Variants in GABRB2 observed in about 807,000 individuals in gnomAD.
The protein encoded by GABRB2 is gamma-aminobutyric acid type A receptor subunit beta2, also known as gamma-aminobutyric acid receptor subunit beta-2.
GABRB2 carries 16 observed loss-of-function variants against 54.7 expected under a neutral mutation model. The observed-to-expected ratio is 0.29, with a 90% CI of 0.20 to 0.44. The LOEUF is 0.44. GABRB2 is among the 20% of genes least tolerant of loss of function. GABRB2 has a pLI of 1.00. For synonymous variants in GABRB2, 244 were observed against 233.8 expected, an observed-to-expected ratio of 1.04 and a Z score of -0.40; for missense variants, 355 against 644.0, an observed-to-expected ratio of 0.55 and a Z score of 4.86.
At chr5:161,449,803 A>G (rs922222056) in intron 4 of GABRB2, among the ~76,000 whole-genome samples, 2 of 151,962 alleles carry the variant, frequency 1.3e-5, no homozygotes, top group East Asian at 3.9e-4. Context: ...CACACACAAT[A>G]GCAACAATTT....
intron 5 of GABRB2, among the ~76,000 whole-genome samples, chr5:161,372,688 T>C (rs1755167606): frequency 6.6e-6 from 1 of 152,208 alleles, no homozygotes; most frequent in Non-Finnish European, 1.5e-5. Flanking sequence ...GCTTACTCTG[T>C]TCCAGACACT....
At chr5:161,484,343 A>G (rs921817428) in intron 3 of GABRB2, among the ~76,000 whole-genome samples, 1 of 151,844 alleles carries the variant, frequency 6.6e-6, no homozygotes, top group Non-Finnish European at 1.5e-5. Flanking sequence ...TCTTTCAGGA[A>G]CTCTTTCTTA....
At chr5:161,338,340 A>G (rs570438806) in intron 5 of GABRB2, among the ~76,000 whole-genome samples, 1 of 152,294 alleles carries the variant, frequency 6.6e-6, no homozygotes, top group South Asian at 2.1e-4. Flanking sequence ...ATGATTTTTA[A>G]AAGGCTTCTT....
intron 3 of GABRB2, among the ~76,000 whole-genome samples, chr5:161,482,106 T>C (rs1281638757): frequency 1.3e-5 from 2 of 152,042 alleles, no homozygotes; most frequent in Admixed American, 6.6e-5. Context: ...TTTCCCATTC[T>C]CAGCTATACC....
intron 3 of GABRB2, among the ~76,000 whole-genome samples, chr5:161,525,972 G>A (rs1045971983): frequency 4.0e-5 from 6 of 151,190 alleles, no homozygotes; most frequent in African/African-American, 1.5e-4. Context: ...GATAAGGCTG[G>A]CCTAGTTGAT....
At chr5:161,513,463 A>G (rs1561677986) in intron 3 of GABRB2, among the ~76,000 whole-genome samples, 1 of 152,068 alleles carries the variant, frequency 6.6e-6, no homozygotes, top group African/African-American at 2.4e-5. Flanking sequence ...AAAAGAACAA[A>G]ATCATGTCAG....
intron 5 of GABRB2, among the ~76,000 whole-genome samples, chr5:161,406,890 A>T (rs1010771751): frequency 4.6e-5 from 7 of 152,058 alleles, no homozygotes; most frequent in African/African-American, 1.7e-4. Flanking sequence ...ATAAAGTTTT[A>T]TGTCTTCTAG....
chr5:161,393,347 C>T lies in GABRB2; in HGVS notation c.541+17628G>A, dbSNP rs556332517. On this transcript the variant is annotated intron_variant, in intron 5 of 9. Coordinates refer to ENST00000393959, the MANE Select transcript of GABRB2 (RefSeq NM_001371727.1). ...AAAAAAAAAAAAAAAAAAAAAAAAG[C>T]CACACACCCATTTTTAGTGTGTGGG... Among the ~76,000 whole-genome samples the T allele has an allele frequency of 2.5e-3, 182 of 73,234 alleles. 2 individuals are homozygous for T. The highest frequency in any genetic ancestry group is 9.1e-3 in the African/African-American group (174 of 19,184). The allele number at this position is 73,234 out of a possible 152,430, so 48.0% of individuals were successfully genotyped here.
intron 5 of GABRB2, among the ~76,000 whole-genome samples, chr5:161,358,757 C>T (rs968206619): frequency 2.6e-5 from 4 of 152,034 alleles, no homozygotes; most frequent in African/African-American, 9.7e-5. Context: ...AGTTCATTAG[C>T]TGAGAGTGAG....
intron 3 of GABRB2, among the ~76,000 whole-genome samples, chr5:161,511,650 T>C (rs1581046790): frequency 6.6e-6 from 1 of 152,016 alleles, no homozygotes; most frequent in Non-Finnish European, 1.5e-5. Context: ...TGTCTCACAG[T>C]TCTGGAGGCA....
At chr5:161,470,823 C>G (rs983685300) in intron 3 of GABRB2, among the ~76,000 whole-genome samples, 1 of 151,978 alleles carries the variant, frequency 6.6e-6, no homozygotes, top group African/African-American at 2.4e-5. Context: ...TAAGGGGAAA[C>G]TACCATACTA....
At chr5:161,364,598 G>T (rs1198238511) in intron 5 of GABRB2, among the ~76,000 whole-genome samples, 4 of 152,114 alleles carry the variant, frequency 2.6e-5, no homozygotes, top group African/African-American at 9.7e-5. Context: ...TTTCATATTT[G>T]GTTGTACTTC....
At chr5:161,364,365 G>A (rs1307933519) in intron 5 of GABRB2, among the ~76,000 whole-genome samples, 1 of 152,104 alleles carries the variant, frequency 6.6e-6, no homozygotes, top group East Asian at 1.9e-4. Flanking sequence ...ATAGTTTTGG[G>A]TTTTTTCTGT....
Position 161,498,453 on chromosome 5 carries a change from C to G in GABRB2, c.238-38609G>C, listed in dbSNP as rs188223267. ...GAAATGACCCCGTATTTTGGTTGAA[C>G]AGCTGTCCATGAAGTTGCACTCACC... On this transcript the variant is annotated intron_variant, in intron 3 of 9. Coordinates refer to ENST00000393959, the MANE Select transcript of GABRB2 (RefSeq NM_001371727.1). 9.1e-4 allele frequency among the ~76,000 whole-genome samples: 139 copies of G among 152,136 alleles called. 1 individual carries two copies. Among genetic ancestry groups the G allele is most frequent in the African/African-American group, 3.1e-3 (130 of 41,520 alleles).
chr5:161,445,185 T>C (rs1757582065), intron 4 of GABRB2, among the ~76,000 whole-genome samples: 1 of 152,126 alleles, frequency 6.6e-6, no homozygotes, highest in South Asian at 2.1e-4. Context: ...ATTCTAGTGG[T>C]GACAGGCCAT....
chr5:161,410,888 T>C (rs1025752612), intron 5 of GABRB2, 87 bp downstream of exon 5: 59 of 955,812 alleles, frequency 6.2e-5, no homozygotes, highest in Non-Finnish European at 8.4e-5. Context: ...GCAGGGCCTG[T>C]GGTCTGGACA....
In GABRB2 at chr5:161,545,298, C is replaced by T; in HGVS notation, c.170-4G>A. 1.3e-6 allele frequency: 2 copies of T among 1,593,612 alleles called. No individual in the cohort carries two copies. Among genetic ancestry groups the T allele is most frequent in the South Asian group, 1.1e-5 (1 of 87,942 alleles). On this transcript the variant is annotated splice_polypyrimidine_tract_variant and splice_region_variant and intron_variant, in intron 2 of 9. Transcript: ENST00000393959. ...ATCCCCACAGCCACGGGGGGACCTG[C>T]AAAGCAAGACGGCCAGCCACGTGAT...
intron 5 of GABRB2, among the ~76,000 whole-genome samples, chr5:161,381,154 T>C (rs1755453926): frequency 6.6e-6 from 1 of 152,176 alleles, no homozygotes; most frequent in African/African-American, 2.4e-5. Flanking sequence ...TTCTAGCATT[T>C]GCATGTACCA....
intron 5 of GABRB2, among the ~76,000 whole-genome samples, chr5:161,380,181 A>G (rs1561629508): frequency 6.6e-6 from 1 of 152,290 alleles, no homozygotes; most frequent in South Asian, 2.1e-4. Flanking sequence ...TAAAGACTAC[A>G]CATTAATAGA....
Sources: gnomAD v4.1 joint callset for allele counts (sites outside exome capture counted in the v4.1 genomes callset) on GRCh38, gnomAD v4.1.1 for gene constraint, MANE v1.5 for transcripts, NCBI Gene and HGNC (gene_info 2026-07-23, HGNC 2026-07-21) for gene names.